Variants in TMEM178B observed in about 807,000 individuals in gnomAD.
The protein encoded by TMEM178B is transmembrane protein 178B.
A neutral mutation model predicts 31.0 loss-of-function variants in TMEM178B; 5 were observed. The ratio of observed to expected loss-of-function variants is 0.16; its 90% CI spans 0.08 to 0.34. TMEM178B has a LOEUF of 0.34. TMEM178B is among the 10% of genes least tolerant of loss of function. TMEM178B has a pLI of 1.00. For synonymous variants in TMEM178B, 164 were observed against 164.0 expected (o/e 1.00, Z 0.00); for missense variants, 275 against 400.3 (o/e 0.69, Z 2.67).
Position 141,074,646 on chromosome 7 carries a change from C to T in TMEM178B, c.336C>T (p.Cys112=). The T allele has an allele frequency of 6.6e-7, 1 of 1,524,500 alleles. No homozygotes were observed. The highest frequency in any genetic ancestry group is 8.8e-7 in the Non-Finnish European group (1 of 1,137,968). The allele number at this position is 1,524,500 out of a possible 1,614,324, so 94.4% of individuals were successfully genotyped here. A position where few individuals can be genotyped will look rare whatever the true frequency, so the allele number is the denominator to read the frequency against. ...CCAACATGGGCCTCTGGAGGAAGTG[C>T]CACCGGCAGGGCTTCGACCCCGAGA... is the stretch of plus-strand genomic sequence containing the variant. ...NSTNMGLWRK[C]HRQGFDPEIA... Residue 112 remains cysteine, a synonymous_variant, in exon 1 of 4, where the codon TGC becomes TGT. Transcript: ENST00000565468. This position sits in a 1 kb window ranked among gnomAD's most constrained non-coding sequence, Gnocchi z 5.1.
rs187346813 is a variant in TMEM178B, at chr7:141,313,271, C to G, written c.496+100567C>G. On this transcript the variant is annotated intron_variant, in intron 2 of 3. Coordinates refer to ENST00000565468, the MANE Select transcript of TMEM178B (RefSeq NM_001195278.2). The stretch of plus-strand genomic sequence containing the variant: ...AAGATTTTGCCATGACTCCTTCTGT[C>G]CATGTCCTCACCATGTCCTTTCTGG... Among the ~76,000 whole-genome samples, 20 of 152,276 alleles carry G rather than the reference C, an allele frequency of 1.3e-4. No homozygotes were observed. In the East Asian group the frequency reaches 1.9e-3, roughly 15 times the overall value.
chr7:141,155,081 T>C (rs1399408133), intron 1 of TMEM178B, among the ~76,000 whole-genome samples: 1 of 152,138 alleles, frequency 6.6e-6, no homozygotes, highest in East Asian at 1.9e-4. Flanking sequence ...CAGGTTGGTT[T>C]TCTTGCTGTT....
intron 2 of TMEM178B, among the ~76,000 whole-genome samples, chr7:141,406,465 C>T (rs1404804127): frequency 6.6e-6 from 1 of 152,234 alleles, no homozygotes; most frequent in African/African-American, 2.4e-5. Flanking sequence ...GGACTTCTAA[C>T]AGGACAAACA....
intron 2 of TMEM178B, among the ~76,000 whole-genome samples, chr7:141,274,579 G>A (rs1798236695): frequency 6.6e-6 from 1 of 152,226 alleles, no homozygotes; most frequent in Non-Finnish European, 1.5e-5. Context: ...TTCCATTCCA[G>A]GAGGGTCCTC....
chr7:141,171,310 C>T lies in TMEM178B; in HGVS notation c.383-41281C>T, dbSNP rs762176035. On this transcript the variant is annotated intron_variant, in intron 1 of 3. Transcript: ENST00000565468. This position sits in a 1 kb window ranked among gnomAD's most constrained non-coding sequence, Gnocchi z 4.3. ...TCTGGAAAAAAACCAAAATTTTAGA[C>T]TTTTTACTATGTGATAGGCAGTGTT... Among the ~76,000 whole-genome samples the T allele has an allele frequency of 2.0e-5, 3 of 152,094 alleles. No homozygotes were observed. The highest frequency in any genetic ancestry group is 4.4e-5 in the Non-Finnish European group (3 of 68,020).
chr7:141,156,415 A>G (rs926550717), intron 1 of TMEM178B, among the ~76,000 whole-genome samples: 1 of 152,216 alleles, frequency 6.6e-6, no homozygotes, highest in Admixed American at 6.5e-5. Context: ...GAGAACATGC[A>G]AAGTCCCTTG....
intron 1 of TMEM178B, among the ~76,000 whole-genome samples, chr7:141,208,474 C>G (rs574067319): frequency 1.3e-4 from 20 of 152,340 alleles, no homozygotes; most frequent in African/African-American, 4.3e-4. Flanking sequence ...TACAAAAGCC[C>G]AGCACACTGA....
At chr7:141,462,419 G>A (rs578029605) in intron 3 of TMEM178B, among the ~76,000 whole-genome samples, 96 of 152,146 alleles carry the variant, frequency 6.3e-4, no homozygotes, top group Middle Eastern at 3.4e-3. Flanking sequence ...TGAACCAGTC[G>A]TGGGAGTTCA....
intron 2 of TMEM178B, among the ~76,000 whole-genome samples, chr7:141,346,045 C>T (rs956381900): frequency 4.6e-5 from 7 of 151,970 alleles, no homozygotes; most frequent in Admixed American, 1.3e-4. Flanking sequence ...CACAGTGAAA[C>T]CCTGTCTCTA....
intron 1 of TMEM178B, among the ~76,000 whole-genome samples, chr7:141,110,548 C>T (rs1011852793): frequency 2.6e-5 from 4 of 152,180 alleles, no homozygotes; most frequent in African/African-American, 9.7e-5. Flanking sequence ...CTTATTCATG[C>T]TTGCCTGTTC....
chr7:141,151,580 G>C (rs1430195868), intron 1 of TMEM178B, among the ~76,000 whole-genome samples: 1 of 152,144 alleles, frequency 6.6e-6, no homozygotes, highest in Non-Finnish European at 1.5e-5. Flanking sequence ...CCCTGACTGG[G>C]CTGGCAATTA....
intron 1 of TMEM178B, among the ~76,000 whole-genome samples, chr7:141,159,139 A>G (rs1010606280): frequency 2.0e-5 from 3 of 151,872 alleles, no homozygotes; most frequent in African/African-American, 7.3e-5. Flanking sequence ...TCCCCATCTG[A>G]TGGTTGCTTA....
intron 2 of TMEM178B, among the ~76,000 whole-genome samples, chr7:141,260,363 C>T (rs149705642): frequency 1.2e-3 from 184 of 152,280 alleles, no homozygotes; most frequent in Middle Eastern, 6.8e-3. Flanking sequence ...CTTGGATAAA[C>T]GTTTTTCAAT....
At chr7:141,355,731 A>T (rs1010558036) in intron 2 of TMEM178B, among the ~76,000 whole-genome samples, 1 of 152,152 alleles carries the variant, frequency 6.6e-6, no homozygotes, top group Admixed American at 6.5e-5. Context: ...TTTATTTTAG[A>T]TTCAGGGTGG....
chr7:141,412,109 C>G (rs531271716), intron 2 of TMEM178B, among the ~76,000 whole-genome samples: 1 of 152,184 alleles, frequency 6.6e-6, no homozygotes, highest in Admixed American at 6.5e-5. Flanking sequence ...ATTGTGTCAG[C>G]TTGTCTTTGT....
chr7:141,496,686 A>C, the TMEM178B span, among the ~76,000 whole-genome samples: 2 of 151,136 alleles, frequency 1.3e-5, no homozygotes, highest in African/African-American at 2.4e-5. Flanking sequence ...AAAAAAAAAA[A>C]AAAAAAACCT....
At chr7:141,142,843 T>G (rs1361028528) in intron 1 of TMEM178B, among the ~76,000 whole-genome samples, 1 of 152,258 alleles carries the variant, frequency 6.6e-6, no homozygotes, top group East Asian at 1.9e-4. Context: ...CCACCAATAA[T>G]GTATAAGCAT....
At chr7:141,407,435 C>T (rs1287293565) in intron 2 of TMEM178B, among the ~76,000 whole-genome samples, 2 of 152,174 alleles carry the variant, frequency 1.3e-5, no homozygotes, top group African/African-American at 4.8e-5. Context: ...ATGTGCTTTT[C>T]CCCTCAGGAA....
chr7:141,238,289 G>GGAGA (rs1390641456), intron 2 of TMEM178B, among the ~76,000 whole-genome samples: 6 of 152,108 alleles, frequency 3.9e-5, no homozygotes, highest in African/African-American at 1.4e-4. Context: ...ACTTCTCTAT[G>GGAGA]GAGAAAAAGG....
Sources: gnomAD v4.1 joint callset for allele counts (sites outside exome capture counted in the v4.1 genomes callset) on GRCh38, gnomAD v4.1.1 for gene constraint, Gnocchi (gnomAD v3.1) non-coding constraint, MANE v1.5 for transcripts, NCBI Gene and HGNC (gene_info 2026-07-23, HGNC 2026-07-21) for gene names.